TRIM61: variants seen among roughly 807,000 people sequenced by gnomAD.
TRIM61 encodes the protein putative tripartite motif-containing protein 61.
A neutral mutation model predicts 14.2 loss-of-function variants in TRIM61; 1 was observed. The observed-to-expected ratio is 0.07, with a 90% CI of 0.03 to 0.33. The LOEUF (loss-of-function observed/expected upper bound fraction) is 0.33, where lower values mean the gene tolerates loss of function less well. Ranked by LOEUF, TRIM61 falls within the 10% of genes least tolerant of loss-of-function variation. The pLI, the probability that TRIM61 is intolerant of heterozygous loss-of-function variation, is 0.99. For missense variants in TRIM61, 19 were observed against 202.2 expected, an observed-to-expected ratio of 0.09 and a Z score of 5.49; for synonymous variants, 8 against 71.6, an observed-to-expected ratio of 0.11 and a Z score of 4.49.
At chr4:164,962,692 T>TAAAA (rs145808366) in intron 3 of TRIM61, among the ~76,000 whole-genome samples, 10,873 of 139,618 alleles carry the variant, frequency 0.078, 449 homozygotes, top group Middle Eastern at 0.1. Context: ...CAAGAAATGT[T>TAAAA]AAAAAAAAAA....
At chr4:164,962,465 G>A (rs1307534074) in intron 3 of TRIM61, among the ~76,000 whole-genome samples, 1 of 151,298 alleles carries the variant, frequency 6.6e-6, no homozygotes, top group Non-Finnish European at 1.5e-5. Flanking sequence ...GGATGGTCTC[G>A]ATCTCCTGAC....
chr4:164,962,692 TAAA>T (rs145808366), intron 3 of TRIM61, among the ~76,000 whole-genome samples: 1 of 139,774 alleles, frequency 7.2e-6, no homozygotes, highest in African/African-American at 2.6e-5. Flanking sequence ...CAAGAAATGT[TAAA>T]AAAAAAAAAA....
intron 3 of TRIM61, among the ~76,000 whole-genome samples, chr4:164,964,229 T>G (rs1256882729): frequency 6.6e-6 from 1 of 151,144 alleles, no homozygotes; most frequent in African/African-American, 2.4e-5. Context: ...GCGCATGTAG[T>G]CCCAGCTACT....
chr4:164,968,123 A>G, intron 3 of TRIM61, 158 bp downstream of exon 3: 1 of 978,438 alleles, frequency 1.0e-6, no homozygotes, highest in Non-Finnish European at 1.2e-6. Flanking sequence ...ATTGCACTCC[A>G]GCCTGGGCAA....
chr4:164,958,239 A>G (rs1348861809), intron 3 of TRIM61: 1 of 167,106 alleles, frequency 6.0e-6, no homozygotes, highest in East Asian at 1.9e-4. Flanking sequence ...TAGAAATGTA[A>G]TAACTTTGCC....
chr4:164,968,132 A>G, intron 3 of TRIM61, 149 bp downstream of exon 3: 2 of 983,608 alleles, frequency 2.0e-6, no homozygotes, highest in Non-Finnish European at 2.4e-6. Flanking sequence ...CAGCCTGGGC[A>G]ACGAAAAAAG....
intron 2 of TRIM61, among the ~76,000 whole-genome samples, chr4:164,972,555 CT>C (rs1303727480): frequency 6.6e-6 from 1 of 152,228 alleles, no homozygotes; most frequent in Non-Finnish European, 1.5e-5. Flanking sequence ...GTGGCACAAT[CT>C]TGGCTCACTG....
intron 2 of TRIM61, among the ~76,000 whole-genome samples, chr4:164,976,389 AC>A (rs924738166): frequency 2.0e-5 from 3 of 152,124 alleles, no homozygotes; most frequent in Non-Finnish European, 4.4e-5. Flanking sequence ...TTCATAAAGG[AC>A]ACAAGAGGAC....
chr4:164,956,506 C>T (rs1731993459), intron 3 of TRIM61, among the ~76,000 whole-genome samples: 1 of 152,188 alleles, frequency 6.6e-6, no homozygotes. Flanking sequence ...CTTCTCCTGC[C>T]AATGGAGTAA....
intron 3 of TRIM61, among the ~76,000 whole-genome samples, chr4:164,960,906 G>A (rs1008079476): frequency 6.6e-5 from 10 of 151,804 alleles, no homozygotes; most frequent in Admixed American, 2.6e-4. Context: ...AGCCAAGATG[G>A]TGCCACTGCA....
intron 3 of TRIM61, among the ~76,000 whole-genome samples, chr4:164,965,396 A>G (rs1356157075): frequency 6.6e-6 from 1 of 151,148 alleles, no homozygotes; most frequent in Non-Finnish European, 1.5e-5. Flanking sequence ...TCATGACCAA[A>G]TCTATGTAAT....
chr4:164,957,500 A>G, intron 3 of TRIM61: 1 of 1,596,290 alleles, frequency 6.3e-7, no homozygotes, highest in Non-Finnish European at 8.5e-7. Flanking sequence ...CCTATAGAGC[A>G]GGCTGCCTCA....
chr4:164,967,567 T>C (rs935198162), intron 3 of TRIM61, among the ~76,000 whole-genome samples: 1 of 152,272 alleles, frequency 6.6e-6, no homozygotes, highest in African/African-American at 2.4e-5. Context: ...CGGTTGTGTA[T>C]GTACAGTATG....
At chr4:164,959,305 A>G (rs1732082089) in intron 3 of TRIM61, among the ~76,000 whole-genome samples, 1 of 152,084 alleles carries the variant, frequency 6.6e-6, no homozygotes, top group African/African-American at 2.4e-5. Flanking sequence ...CTGTCCTCTG[A>G]GGCCTTTCAT....
At chr4:164,967,627 G>A (rs2111144105) in intron 3 of TRIM61, among the ~76,000 whole-genome samples, 1 of 152,122 alleles carries the variant, frequency 6.6e-6, no homozygotes, top group East Asian at 1.9e-4. Context: ...TTTTCTATAG[G>A]ACTAAGGCAA....
chr4:164,957,727 A>G, intron 3 of TRIM61: 1 of 548,022 alleles, frequency 1.8e-6, no homozygotes, highest in East Asian at 3.3e-5. Flanking sequence ...TGAAAATATA[A>G]AGAATAGGAT....
At chr4:164,962,124 G>A (rs1732149221) in intron 3 of TRIM61, among the ~76,000 whole-genome samples, 1 of 152,090 alleles carries the variant, frequency 6.6e-6, no homozygotes, top group African/African-American at 2.4e-5. Context: ...GTTTTGCAGT[G>A]CATGAAGGAG....
chr4:164,960,320 G>A (rs1425204235), intron 3 of TRIM61, among the ~76,000 whole-genome samples: 2 of 151,942 alleles, frequency 1.3e-5, no homozygotes, highest in East Asian at 1.9e-4. Flanking sequence ...CGAGGCGGGT[G>A]GATCACGAGG....
At chr4:164,963,744 CAAAAAAAAAA>C (rs70952672) in intron 3 of TRIM61, among the ~76,000 whole-genome samples, 1 of 117,116 alleles carries the variant, frequency 8.5e-6, no homozygotes, top group South Asian at 2.8e-4. Flanking sequence ...AACTCTGTTT[CAAAAAAAAAA>C]AAAAAAAGAA....
Sources: gnomAD v4.1 joint callset for allele counts (sites outside exome capture counted in the v4.1 genomes callset) on GRCh38, gnomAD v4.1.1 for gene constraint, MANE v1.5 for transcripts, NCBI Gene and HGNC (gene_info 2026-07-23, HGNC 2026-07-21) for gene names.